The following LAMA2 variants were observed in gnomAD, a reference collection of about 807,000 sequenced individuals.
LAMA2 encodes laminin subunit alpha 2.
LAMA2 carries 269 observed loss-of-function variants against 364.8 expected under a neutral mutation model. The ratio of observed to expected loss-of-function variants is 0.74; its 90% confidence interval spans 0.67 to 0.82. The LOEUF (loss-of-function observed/expected upper bound fraction) is 0.82. Ranked by LOEUF, LAMA2 falls within the 40% of genes least tolerant of loss-of-function variation. The probability of loss-of-function intolerance (pLI) is 0.00; values close to 1 mark genes in which losing one functional copy is unlikely to be tolerated. For missense variants in LAMA2, 3,807 were observed against 3,873.2 expected, an observed-to-expected ratio of 0.98 and a Z score of 0.45; for synonymous variants, 1,379 against 1,370.6, an observed-to-expected ratio of 1.01 and a Z score of -0.14.
intron 30 of LAMA2, among the ~76,000 whole-genome samples, chr6:129,345,632 C>A (rs1247964371): frequency 6.6e-6 from 1 of 152,022 alleles, no homozygotes; most frequent in South Asian, 2.1e-4. Context: ...TTGATTGCAT[C>A]CACTGTAAGA....
intron 3 of LAMA2, among the ~76,000 whole-genome samples, chr6:129,076,261 G>A (rs939945160): frequency 6.6e-6 from 1 of 151,044 alleles, no homozygotes; most frequent in Non-Finnish European, 1.5e-5. Context: ...TGAATCCTAG[G>A]CACTTCAAAT....
At chr6:129,023,303 CTT>C (rs2114718563) in intron 1 of LAMA2, among the ~76,000 whole-genome samples, 1 of 152,274 alleles carries the variant, frequency 6.6e-6, no homozygotes, top group South Asian at 2.1e-4. Context: ...TAAGACAACA[CTT>C]TTTAATTCTC....
In LAMA2 at chr6:129,297,671, T is replaced by C. The variant is rs535718824; in HGVS notation, c.2857-14T>C. The C allele has an allele frequency of 1.1e-5, 17 of 1,612,728 alleles. No homozygotes were observed. The East Asian group carries it at 3.8e-4, about 36-fold the overall frequency. Reference sequence around the variant, plus strand: ...TGATTTAAATTTAATTTTTCTCTCCTCTTCCATTGCCAGGCTGGGACCTTT... The same window carrying C: ...TGATTTAAATTTAATTTTTCTCTCCCCTTCCATTGCCAGGCTGGGACCTTT... On this transcript the variant is annotated splice_polypyrimidine_tract_variant and intron_variant, in intron 20 of 64. Coordinates refer to ENST00000421865, the MANE Select transcript of LAMA2 (RefSeq NM_000426.4).
chr6:129,068,085 T>A (rs1318786825), intron 3 of LAMA2, among the ~76,000 whole-genome samples: 2 of 152,224 alleles, frequency 1.3e-5, no homozygotes, highest in Non-Finnish European at 2.9e-5. Flanking sequence ...TTCTAAGCAC[T>A]TAGAATAGTG....
At chr6:129,352,816 C>T (rs1275925500) in intron 31 of LAMA2, among the ~76,000 whole-genome samples, 3 of 152,042 alleles carry the variant, frequency 2.0e-5, no homozygotes, top group Non-Finnish European at 4.4e-5. Flanking sequence ...TAAGTTATAA[C>T]CCAAATGAAG....
At chr6:129,080,425 C>A (rs567107100) in intron 3 of LAMA2, among the ~76,000 whole-genome samples, 1 of 151,636 alleles carries the variant, frequency 6.6e-6, no homozygotes, top group African/African-American at 2.4e-5. Flanking sequence ...ATTTAAAACT[C>A]TAAAAAGTGA....
chr6:128,926,676 G>A (rs528481579), intron 1 of LAMA2, among the ~76,000 whole-genome samples: 1 of 152,112 alleles, frequency 6.6e-6, no homozygotes, highest in East Asian at 1.9e-4. Flanking sequence ...GAATATTTGT[G>A]CTCCTTTTTA....
chr6:129,464,539 T>C (rs1288020188), intron 50 of LAMA2, 87 bp downstream of exon 50: 2 of 1,140,558 alleles, frequency 1.8e-6, no homozygotes, highest in Non-Finnish European at 2.7e-6. Context: ...CAGTTATTGG[T>C]AAAATTATCA....
At chr6:129,051,471 C>A (rs1487742822) in intron 2 of LAMA2, among the ~76,000 whole-genome samples, 1 of 149,742 alleles carries the variant, frequency 6.7e-6, no homozygotes, top group Non-Finnish European at 1.5e-5. Flanking sequence ...GACACCATGC[C>A]TGGCTATTTT....
At chr6:129,083,635 C>CA (rs1398112055) in intron 3 of LAMA2, among the ~76,000 whole-genome samples, 2 of 152,110 alleles carry the variant, frequency 1.3e-5, no homozygotes, top group Non-Finnish European at 2.9e-5. Flanking sequence ...ACCTCCAACT[C>CA]AAAGATTTTT....
chr6:129,246,771 G>C (rs1316480565), intron 12 of LAMA2, among the ~76,000 whole-genome samples: 1 of 152,104 alleles, frequency 6.6e-6, no homozygotes, highest in African/African-American at 2.4e-5. Context: ...CAGAAGCGAG[G>C]GCAAGGAGGC....
intron 51 of LAMA2, among the ~76,000 whole-genome samples, chr6:129,467,885 A>C (rs1038320806): frequency 3.3e-5 from 5 of 151,776 alleles, no homozygotes; most frequent in African/African-American, 1.2e-4. Flanking sequence ...AATAGGTCTA[A>C]TTTTTCCAGA....
intron 29 of LAMA2, among the ~76,000 whole-genome samples, chr6:129,332,883 ATTTTTTTTTTTTTTTT>A: frequency 9.6e-6 from 1 of 104,412 alleles, no homozygotes; most frequent in African/African-American, 4.2e-5. Flanking sequence ...TAAGTTTACC[ATTTTTTTTTTTTTTTT>A]TTTTTTTTTT....
chr6:129,027,859 G>C (rs565666847), intron 1 of LAMA2, among the ~76,000 whole-genome samples: 2 of 151,780 alleles, frequency 1.3e-5, no homozygotes, highest in African/African-American at 4.8e-5. Context: ...ATAAATGTAG[G>C]GAAGGTGTAT....
intron 1 of LAMA2, among the ~76,000 whole-genome samples, chr6:128,997,334 AAGAG>A (rs1323047365): frequency 1.6e-5 from 2 of 122,194 alleles, no homozygotes; most frequent in African/African-American, 6.3e-5. Flanking sequence ...GAGAGAAAGA[AAGAG>A]AAAGAAAGAA....
intron 1 of LAMA2, among the ~76,000 whole-genome samples, chr6:129,009,528 TTAAG>T (rs1230048983): frequency 3.6e-4 from 55 of 152,324 alleles, no homozygotes; most frequent in African/African-American, 1.2e-3. Context: ...GAGTCATTAA[TTAAG>T]TGTTTGACCT....
At chr6:129,089,757 T>C (rs1216215397) in intron 3 of LAMA2, among the ~76,000 whole-genome samples, 3 of 152,220 alleles carry the variant, frequency 2.0e-5, no homozygotes, top group Non-Finnish European at 4.4e-5. Context: ...TTAAAAATGA[T>C]AGCAACTTAA....
intron 33 of LAMA2, among the ~76,000 whole-genome samples, chr6:129,367,616 A>G (rs1200923444): frequency 2.0e-5 from 3 of 152,252 alleles, no homozygotes. Context: ...TATTCACTAC[A>G]CATTGGTAGA....
Position 129,250,839 on chromosome 6 carries a change from C to T in LAMA2, c.1884+626C>T, listed in dbSNP as rs116054787. ...ATACGTATTCAGAGGCACACACATA[C>T]ATGCATGTTCATTATTCCAAATGGG... On this transcript the variant is annotated intron_variant, in intron 13 of 64. Transcript: ENST00000421865. Among the ~76,000 whole-genome samples the T allele has an allele frequency of 8.4e-4, 128 of 152,200 alleles. 1 individual carries two copies. Among genetic ancestry groups the T allele is most frequent in the African/African-American group, 3.0e-3 (124 of 41,526 alleles).
Sources: allele counts gnomAD v4.1 joint callset (sites outside exome capture counted in the v4.1 genomes callset), GRCh38; gene constraint gnomAD v4.1.1; transcripts MANE v1.5; gene names NCBI Gene and HGNC (gene_info 2026-07-23, HGNC 2026-07-21).